The following SLC9A9 variants were observed in gnomAD, a reference collection of about 807,000 sequenced individuals.
SLC9A9 encodes the protein sodium/hydrogen exchanger 9.
In SLC9A9, 62 loss-of-function variants were observed where a neutral mutation model predicts 77.8. That is an observed-to-expected ratio of 0.80 (90% CI 0.65 to 0.98). SLC9A9 has a LOEUF of 0.98. SLC9A9 is among the 50% of genes least tolerant of loss of function. The pLI, the probability that SLC9A9 is intolerant of heterozygous loss-of-function variation, is 0.00. For missense variants in SLC9A9, 775 were observed against 774.9 expected, an observed-to-expected ratio of 1.00 and a Z score of 0.00; for synonymous variants, 320 against 283.5, an observed-to-expected ratio of 1.13 and a Z score of -1.29.
intron 12 of SLC9A9, among the ~76,000 whole-genome samples, chr3:143,450,113 T>A (rs1167342238): frequency 1.6e-5 from 2 of 122,624 alleles, no homozygotes; most frequent in Non-Finnish European, 3.2e-5. Flanking sequence ...ATACATATTA[T>A]ATTATATATT....
intron 11 of SLC9A9, among the ~76,000 whole-genome samples, chr3:143,479,960 C>T (rs838636): frequency 0.23 from 34,341 of 152,186 alleles, 5,052 homozygotes; most frequent in Non-Finnish European, 0.33. Flanking sequence ...TTGTGAGTAT[C>T]TCCTAGGTGG....
At chr3:143,462,382 T>C (rs1250795570) in intron 12 of SLC9A9, among the ~76,000 whole-genome samples, 1 of 151,704 alleles carries the variant, frequency 6.6e-6, no homozygotes, top group African/African-American at 2.4e-5. Context: ...AAAAAAAAAA[T>C]TAATAGTAGA....
At chr3:143,641,877 T>A (rs2038629721) in intron 6 of SLC9A9, among the ~76,000 whole-genome samples, 1 of 152,188 alleles carries the variant, frequency 6.6e-6, no homozygotes, top group Non-Finnish European at 1.5e-5. Flanking sequence ...TTGTAGTGGA[T>A]TATGAGTAAT....
chr3:143,513,002 G>C (rs1356863777), intron 9 of SLC9A9, among the ~76,000 whole-genome samples: 1 of 152,214 alleles, frequency 6.6e-6, no homozygotes, highest in Non-Finnish European at 1.5e-5. Context: ...TCCTAGTGGA[G>C]GGTCTTAACC....
chr3:143,359,119 ATAAT>A (rs2032670990), intron 14 of SLC9A9, among the ~76,000 whole-genome samples: 1 of 152,172 alleles, frequency 6.6e-6, no homozygotes, highest in Non-Finnish European at 1.5e-5. Flanking sequence ...CAGCCTTCTG[ATAAT>A]TAATTGGATT....
At chr3:143,596,301 T>A (rs1037794262) in intron 6 of SLC9A9, among the ~76,000 whole-genome samples, 25 of 152,220 alleles carry the variant, frequency 1.6e-4, no homozygotes, top group African/African-American at 6.0e-4. Flanking sequence ...TGTGTGTGTA[T>A]GTGTGCGTGC....
At chr3:143,523,847 A>C (rs1023570847) in intron 9 of SLC9A9, among the ~76,000 whole-genome samples, 1 of 152,182 alleles carries the variant, frequency 6.6e-6, no homozygotes, top group Non-Finnish European at 1.5e-5. Flanking sequence ...AATGTAATAA[A>C]ATACTGATGG....
chr3:143,452,503 T>TAAAAAAAA (rs58038873), intron 12 of SLC9A9, among the ~76,000 whole-genome samples: 4 of 108,836 alleles, frequency 3.7e-5, no homozygotes, highest in African/African-American at 6.7e-5. Flanking sequence ...TTAAAAAGAC[T>TAAAAAAAA]AAAAAAAAAA....
intron 9 of SLC9A9, among the ~76,000 whole-genome samples, chr3:143,507,398 G>A (rs1439706565): frequency 1.3e-5 from 2 of 152,002 alleles, no homozygotes; most frequent in East Asian, 1.9e-4. Context: ...TAGCAGAAAC[G>A]GGGTTTCACC....
At chr3:143,781,183 T>C (rs1308330161) in intron 4 of SLC9A9, among the ~76,000 whole-genome samples, 1 of 152,244 alleles carries the variant, frequency 6.6e-6, no homozygotes, top group African/African-American at 2.4e-5. Context: ...GCACATTCTA[T>C]GTGGACACTC....
chr3:143,833,650 AGGATCTACG>A (rs2009495361), intron 1 of SLC9A9, among the ~76,000 whole-genome samples: 3 of 132,384 alleles, frequency 2.3e-5, no homozygotes, highest in African/African-American at 5.6e-5. Flanking sequence ...TATGTAGACC[AGGATCTACG>A]CTCTCCCTGT....
In SLC9A9 at chr3:143,446,886, G is replaced by A. The variant is rs527948276; in HGVS notation, c.1469+20151C>T. 3.1e-3 allele frequency among the ~76,000 whole-genome samples: 472 copies of A among 152,240 alleles called. 4 individuals carry two copies. Among genetic ancestry groups the A allele is most frequent in the African/African-American group, 0.011 (443 of 41,538 alleles). On this transcript the variant is annotated intron_variant, in intron 12 of 15. Transcript: ENST00000316549. ...ATAAGGTAGGTGTGTATGTGTGTGT[G>A]TGTGTGTGTGTGCATGCACACATGT... is the stretch of plus-strand genomic sequence containing the variant.
At chr3:143,674,266 A>G (rs1272484683) in intron 5 of SLC9A9, among the ~76,000 whole-genome samples, 1 of 152,172 alleles carries the variant, frequency 6.6e-6, no homozygotes, top group Admixed American at 6.5e-5. Context: ...CACCCATGAC[A>G]CTAATCTTGC....
chr3:143,494,556 T>C (rs2035801827), intron 10 of SLC9A9, among the ~76,000 whole-genome samples: 2 of 152,372 alleles, frequency 1.3e-5, no homozygotes, highest in African/African-American at 4.8e-5. Flanking sequence ...TAGAGAGGGA[T>C]TGCCTCTGCT....
At chr3:143,768,783 C>T (rs962713674) in intron 4 of SLC9A9, among the ~76,000 whole-genome samples, 2 of 152,142 alleles carry the variant, frequency 1.3e-5, no homozygotes, top group African/African-American at 4.8e-5. Context: ...GTTTCCAATG[C>T]TGACATCCTA....
At chr3:143,814,604 A>G (rs1210402708) in intron 2 of SLC9A9, among the ~76,000 whole-genome samples, 2 of 152,224 alleles carry the variant, frequency 1.3e-5, no homozygotes, top group African/African-American at 2.4e-5. Flanking sequence ...GATAAACATC[A>G]CTTTTTCAGA....
Position 143,746,970 on chromosome 3 carries a change from T to C in SLC9A9, c.533+48031A>G, listed in dbSNP as rs532470279. Among the ~76,000 whole-genome samples the C allele has an allele frequency of 2.0e-5, 3 of 152,342 alleles. No individual in the cohort carries two copies. The South Asian group carries it at 6.2e-4, about 32-fold the overall frequency. ...ATTGTTTTTTCCTTCAAACGCGACA[T>C]ATTTTTAAGCCTTTTTTCCCCCTCA... is the stretch of plus-strand genomic sequence containing the variant. On this transcript the variant is annotated intron_variant, in intron 4 of 15. Coordinates refer to ENST00000316549, the MANE Select transcript of SLC9A9 (RefSeq NM_173653.4).
chr3:143,290,916 C>T (rs1419974639), intron 14 of SLC9A9, among the ~76,000 whole-genome samples: 1 of 152,206 alleles, frequency 6.6e-6, no homozygotes, highest in Non-Finnish European at 1.5e-5. Flanking sequence ...ATGTAGGTGA[C>T]AGCTTGGAGT....
In SLC9A9 at chr3:143,435,382, TA is replaced by T. The variant is rs1559914678; in HGVS notation, c.1469+31654del. ...AATGGCGTTGTGTTTCTTAGTGAAG[TA>T]GGTAACAAAGTCAAAGTTTTCAAAG... On this transcript the variant is annotated intron_variant, in intron 12 of 15. Coordinates refer to ENST00000316549, the MANE Select transcript of SLC9A9 (RefSeq NM_173653.4). Among the ~76,000 whole-genome samples the T allele has an allele frequency of 3.9e-5, 6 of 152,200 alleles. No homozygotes were observed. In the South Asian group the frequency reaches 1.0e-3, roughly 26 times the overall value.
Sources: allele counts gnomAD v4.1 joint callset (sites outside exome capture counted in the v4.1 genomes callset), GRCh38; gene constraint gnomAD v4.1.1; transcripts MANE v1.5; gene names NCBI Gene and HGNC (gene_info 2026-07-23, HGNC 2026-07-21).